ZFP64: variants seen among roughly 807,000 people sequenced by gnomAD.
ZFP64 encodes the protein zinc finger protein 64.
ZFP64 carries 14 observed loss-of-function variants against 51.6 expected under a neutral mutation model. The ratio of observed to expected loss-of-function variants is 0.27; its 90% CI spans 0.18 to 0.42. The LOEUF is 0.42. Ranked by LOEUF, ZFP64 falls within the 10% of genes least tolerant of loss-of-function variation. The pLI, the probability that ZFP64 is intolerant of heterozygous loss-of-function variation, is 1.00. For missense variants in ZFP64, 754 were observed against 906.8 expected (o/e 0.83, Z 2.16); for synonymous variants, 375 against 361.4 (o/e 1.04, Z -0.43).
In ZFP64 at chr20:52,088,529, TCA is replaced by T; in HGVS notation, c.1089_1090del (p.Cys363Ter). ...GCTACTGCTGTCCACGGCAGCGTAGTCACACAGGTGACACTTGTGTGGCTTCA... is the reference window on the plus strand; with the variant it reads ...GCTACTGCTGTCCACGGCAGCGTAGTCACAGGTGACACTTGTGTGGCTTCA... On this transcript the variant is annotated stop_gained and frameshift_variant, in exon 8 of 9. Coordinates refer to the ZFP64 transcript ENST00000361387. LOFTEE classifies it high-confidence loss of function. The T allele has an allele frequency of 6.2e-7, 1 of 1,614,208 alleles. No individual in the cohort carries two copies. The highest frequency in any genetic ancestry group is 8.5e-7 in the Non-Finnish European group (1 of 1,180,038).
chr20:52,152,979 T>C lies in ZFP64; in HGVS notation c.1213A>G (p.Arg405Gly), dbSNP rs758527137. ...GDMVKTEALE[R>G]KDTGRQSSRQ... is the part of the protein sequence containing the mutation. Reference sequence around the variant, plus strand: ...CTGCTCTGCCTGCCGGTGTCCTTCCTCTCTAGAGCCTCAGTCTTAACCATG... The same window carrying C: ...CTGCTCTGCCTGCCGGTGTCCTTCCCCTCTAGAGCCTCAGTCTTAACCATG... The change falls in exon 6 of 6, where the codon AGG becomes GGG. Residue 405 changes from arginine (R) to glycine (G), a missense_variant. Around this residue, in one of 3 missense-constraint regions of ZFP64, gnomAD observed 428 missense variants for 472.4 expected, o/e 0.91. Transcript: ENST00000216923. The C allele has an allele frequency of 2.2e-5, 36 of 1,613,898 alleles. No homozygotes were observed. The East Asian group carries it at 6.5e-4, about 29-fold the overall frequency.
intron 5 of ZFP64, among the ~76,000 whole-genome samples, chr20:52,143,532 C>T (rs1375110511): frequency 2.8e-5 from 4 of 141,058 alleles, no homozygotes; most frequent in African/African-American, 5.1e-5. Context: ...AGCTATTTTA[C>T]GACTTAGTTT....
intron 5 of ZFP64, among the ~76,000 whole-genome samples, chr20:52,126,141 G>A (rs969038561): frequency 2.0e-5 from 3 of 152,076 alleles, no homozygotes; most frequent in Non-Finnish European, 2.9e-5. Context: ...CAGGTGATGC[G>A]CCTGCCTCGG....
chr20:52,084,299 C>G (rs79646797), exon 9 of ZFP64: 1 of 499,758 alleles, frequency 2.0e-6, no homozygotes, highest in African/African-American at 1.9e-5. Context: ...CTTGGCAGAC[C>G]CCGCCTTTGA....
intron 7 of ZFP64, chr20:52,088,765 G>A (rs1045819135): frequency 1.6e-6 from 2 of 1,238,392 alleles, no homozygotes; most frequent in Non-Finnish European, 2.3e-6. Flanking sequence ...TACTGAGAGA[G>A]AAAGATACTG....
chr20:52,106,341 G>A (rs1405801712), intron 5 of ZFP64, among the ~76,000 whole-genome samples: 1 of 152,224 alleles, frequency 6.6e-6, no homozygotes, highest in African/African-American at 2.4e-5. Flanking sequence ...AAATTAGGGA[G>A]TTACTTAAGA....
intron 7 of ZFP64, among the ~76,000 whole-genome samples, chr20:52,090,671 C>T (rs1455014904): frequency 1.3e-5 from 2 of 151,894 alleles, no homozygotes; most frequent in Non-Finnish European, 2.9e-5. Context: ...TGGTGATGCA[C>T]ACCTGTAATC....
At chr20:52,109,421 C>CA (rs1417612047) in intron 5 of ZFP64, among the ~76,000 whole-genome samples, 15 of 152,102 alleles carry the variant, frequency 9.9e-5, no homozygotes, top group Non-Finnish European at 1.3e-4. Flanking sequence ...CTCGGCCTCC[C>CA]AAAGTGCTGG....
In ZFP64 at chr20:52,085,106, G is replaced by C. The variant is rs2078850401; in HGVS notation, c.1389C>G (p.Ile463Met). Residue 463 changes from isoleucine (I) to methionine (M), a missense_variant, in exon 9 of 9, where the codon ATC (isoleucine) becomes ATG (methionine). Ile to Met is a conservative substitution (Grantham distance 10). Transcript: ENST00000361387. The surrounding 1 kb of genome is among the most constrained non-coding windows in gnomAD (Gnocchi z 4.3). ...AGTGCAGACATTTGAAGGTGTGCTTGATGCGGATGTGCGATTTGAGATTCG... is the reference window on the plus strand; with the variant it reads ...AGTGCAGACATTTGAAGGTGTGCTTCATGCGGATGTGCGATTTGAGATTCG... 1.9e-6 allele frequency: 3 copies of C among 1,614,278 alleles called. No homozygotes were observed. Among genetic ancestry groups the C allele is most frequent in the Non-Finnish European group, 2.5e-6 (3 of 1,180,056 alleles).
Position 52,164,227 on chromosome 20 carries a change from C to T in ZFP64, c.511+468G>A, listed in dbSNP as rs140346710. Among the ~76,000 whole-genome samples the T allele has an allele frequency of 6.6e-5, 10 of 152,034 alleles. No individual in the cohort carries two copies. The East Asian group carries it at 1.2e-3, about 18-fold the overall frequency. On this transcript the variant is annotated intron_variant, in intron 4 of 5. Coordinates refer to ENST00000216923, the MANE Select transcript of ZFP64 (RefSeq NM_018197.3). ...ATTCTGGAGGCTGAGGTGGGCGGGT[C>T]GAGTGCCACCGCACTCCAGCCTGGG...
Position 52,187,051 on chromosome 20 carries a change from G to A in ZFP64, c.67C>T (p.Leu23=). 6.2e-7 allele frequency: 1 copy of A among 1,609,044 alleles called. No individual in the cohort carries two copies. The highest frequency in any genetic ancestry group is 2.2e-5 in the East Asian group (1 of 44,716). ...SVQIPGGTTV[L]VELTPDIHIC... Reference sequence around the variant, plus strand: ...TGGATGTCGGGAGTCAGCTCCACCAGCACCGTTGTGCCACCTGGAACTCCA... The same window carrying A: ...TGGATGTCGGGAGTCAGCTCCACCAACACCGTTGTGCCACCTGGAACTCCA... Residue 23 remains leucine, a synonymous_variant, in exon 2 of 6, where the codon CTG becomes TTG. Coordinates refer to ENST00000216923, the MANE Select transcript of ZFP64 (RefSeq NM_018197.3).
intron 5 of ZFP64, among the ~76,000 whole-genome samples, chr20:52,121,322 A>C (rs1979180810): frequency 6.6e-6 from 1 of 152,232 alleles, no homozygotes; most frequent in South Asian, 2.1e-4. Context: ...TCCAACAGCC[A>C]AGTCAAGGAT....
chr20:52,105,343 C>G (rs558351508), intron 5 of ZFP64: 46 of 1,246,640 alleles, frequency 3.7e-5, no homozygotes, highest in Non-Finnish European at 4.5e-5. Flanking sequence ...GCGCATGTCC[C>G]GGCAATTCTG....
rs1375505891 is a variant in ZFP64, at chr20:52,142,042, C to A, written c.763+18081G>T. ...TGTGGAATAGTAGACATTACAGACT[C>A]AGAAGGATGGGAGGGAGGTAAGGGA... On this transcript the variant is annotated intron_variant, in intron 5 of 8. Transcript: ENST00000361387. Among the ~76,000 whole-genome samples the A allele has an allele frequency of 3.9e-5, 6 of 152,158 alleles. No individual in the cohort carries two copies. The East Asian group carries it at 1.2e-3, about 29-fold the overall frequency.
At chr20:52,090,791 T>C (rs1471272127) in intron 7 of ZFP64, among the ~76,000 whole-genome samples, 1 of 114,856 alleles carries the variant, frequency 8.7e-6, no homozygotes, top group African/African-American at 3.7e-5. Context: ...AGAGCAAGAT[T>C]TTTTTTTTTT....
chr20:52,112,778 G>A (rs1042544280), intron 5 of ZFP64, among the ~76,000 whole-genome samples: 3 of 151,714 alleles, frequency 2.0e-5, no homozygotes, highest in African/African-American at 7.3e-5. Context: ...CCACACCCAG[G>A]CTAATTTTTG....
Position 52,122,565 on chromosome 20 carries a change from C to T in ZFP64, c.764-23978G>A, listed in dbSNP as rs186830914. Among the ~76,000 whole-genome samples, 3 of 151,598 alleles carry T rather than the reference C, an allele frequency of 2.0e-5. No homozygotes were observed. The East Asian group carries it at 5.8e-4, about 29-fold the overall frequency. On this transcript the variant is annotated intron_variant, in intron 5 of 8. Transcript: ENST00000361387. ...ACTGTAGCTGCCATAGACAGTGATT[C>T]CTTTGATGAATTTGGGCAAAGTATA...
intron 5 of ZFP64, among the ~76,000 whole-genome samples, chr20:52,102,194 T>C (rs1229903571): frequency 6.6e-6 from 1 of 151,410 alleles, no homozygotes; most frequent in Non-Finnish European, 1.5e-5. Flanking sequence ...CCCCAGGTGA[T>C]TCCTGAGCAC....
chr20:52,148,911 G>T (rs1197506937), downstream of ZFP64, among the ~76,000 whole-genome samples: 1 of 152,104 alleles, frequency 6.6e-6, no homozygotes, highest in Admixed American at 6.5e-5. Context: ...AGCCCCACAG[G>T]TAAAGTCAAA....
Sources: allele counts gnomAD v4.1 joint callset (sites outside exome capture counted in the v4.1 genomes callset), GRCh38; gene constraint gnomAD v4.1.1; regional missense constraint gnomAD v4.1.1; non-coding constraint Gnocchi (gnomAD v3.1); transcripts MANE v1.5; gene names NCBI Gene and HGNC (gene_info 2026-07-23, HGNC 2026-07-21).